PATJ: variants seen among roughly 807,000 people sequenced by gnomAD.
PATJ encodes PATJ crumbs cell polarity complex component.
A neutral mutation model predicts 224.9 loss-of-function variants in PATJ; 190 were observed. That is an observed-to-expected ratio of 0.84 (90% CI 0.75 to 0.95). PATJ has a LOEUF of 0.95. PATJ is among the 40% of genes least tolerant of loss of function. The pLI is 0.00. For missense variants in PATJ, 2,121 were observed against 2,270.3 expected (o/e 0.93, Z 1.34); for synonymous variants, 769 against 820.3 (o/e 0.94, Z 1.07).
chr1:61,818,131 A>G (rs941016355), intron 14 of PATJ, among the ~76,000 whole-genome samples: 2 of 152,218 alleles, frequency 1.3e-5, no homozygotes, highest in Non-Finnish European at 2.9e-5. Context: ...AATGGGCTGT[A>G]GTTTGTTTCA....
At chr1:61,744,638 C>T (rs573586280) in intron 1 of PATJ, among the ~76,000 whole-genome samples, 4 of 152,282 alleles carry the variant, frequency 2.6e-5, no homozygotes, top group African/African-American at 9.6e-5. Context: ...TTCCTCTGCT[C>T]TCACACCACT....
At chr1:62,114,388 T>A (rs1421687651) in intron 35 of PATJ, 142 bp downstream of exon 35, 2 of 782,838 alleles carry the variant, frequency 2.6e-6, no homozygotes, top group Non-Finnish European at 4.0e-6. Flanking sequence ...ACAACATGGG[T>A]CATATTTCTG....
At chr1:62,001,923 G>A (rs1012509887) in intron 28 of PATJ, among the ~76,000 whole-genome samples, 2 of 152,132 alleles carry the variant, frequency 1.3e-5, no homozygotes, top group South Asian at 2.1e-4. Context: ...CAGAAAGGAC[G>A]TGACAGCCCA....
At chr1:61,796,311 T>G (rs1417135244) in intron 10 of PATJ, among the ~76,000 whole-genome samples, 2 of 152,234 alleles carry the variant, frequency 1.3e-5, no homozygotes, top group Non-Finnish European at 2.9e-5. Flanking sequence ...AGATTAAGAA[T>G]ACTGTTCTTG....
chr1:61,783,426 T>TC (rs1438363151), intron 7 of PATJ, among the ~76,000 whole-genome samples: 4 of 147,738 alleles, frequency 2.7e-5, no homozygotes, highest in Non-Finnish European at 4.5e-5. Flanking sequence ...TTCTTTTCTT[T>TC]TTTTTTTTTT....
intron 29 of PATJ, among the ~76,000 whole-genome samples, chr1:62,035,040 C>T (rs1650114300): frequency 6.6e-6 from 1 of 152,264 alleles, no homozygotes; most frequent in East Asian, 1.9e-4. Flanking sequence ...CGGCCCTAAG[C>T]TGAGCTTTAT....
At chr1:62,105,797 G>A (rs111555967) in intron 33 of PATJ, among the ~76,000 whole-genome samples, 6,245 of 151,678 alleles carry the variant, frequency 0.041, 393 homozygotes, top group African/African-American at 0.13. Flanking sequence ...ATGAAAGTAC[G>A]GTATTTAGCA....
At chr1:61,749,285 C>T (rs1158346403) in intron 1 of PATJ, among the ~76,000 whole-genome samples, 5 of 151,924 alleles carry the variant, frequency 3.3e-5, no homozygotes, top group African/African-American at 7.3e-5. Flanking sequence ...GGATTGCAGG[C>T]GTGAGCCACC....
Position 62,108,445 on chromosome 1 carries a change from A to G in PATJ, c.4386A>G (p.Ile1462Met), listed in dbSNP as rs760353070. 8.7e-6 allele frequency: 14 copies of G among 1,605,042 alleles called. No individual in the cohort carries two copies. The African/African-American group carries it at 1.9e-4, about 21-fold the overall frequency. ...GATTTTATTTTTTATAGAATGCTATAGTTATCCATGAAGTCTATGAAGAAG... is the reference window on the plus strand; with the variant it reads ...GATTTTATTTTTTATAGAATGCTATGGTTATCCATGAAGTCTATGAAGAAG... ...VGGKDTPLNAIVIHEVYEEGA... is the reference protein window; with the variant it reads ...VGGKDTPLNAMVIHEVYEEGA... Residue 1462 changes from isoleucine (I) to methionine (M), a missense_variant, in exon 34 of 44, where the codon ATA becomes ATG. Coordinates refer to ENST00000642238, the MANE Select transcript of PATJ (RefSeq NM_001350145.3).
intron 31 of PATJ, among the ~76,000 whole-genome samples, chr1:62,070,382 G>A (rs1657182642): frequency 6.6e-6 from 1 of 152,106 alleles, no homozygotes; most frequent in South Asian, 2.1e-4. Context: ...TTCATGGCTG[G>A]TTCTCAAATC....
chr1:61,874,562 T>C (rs1175560256), intron 20 of PATJ, among the ~76,000 whole-genome samples: 1 of 152,152 alleles, frequency 6.6e-6, no homozygotes, highest in Admixed American at 6.5e-5. Context: ...CATAACTCTA[T>C]CACCCCACAA....
At chr1:61,752,677 A>G (rs1420200299) in intron 1 of PATJ, among the ~76,000 whole-genome samples, 1 of 152,162 alleles carries the variant, frequency 6.6e-6, no homozygotes, top group Admixed American at 6.6e-5. Flanking sequence ...ACTATTCACA[A>G]GTTTTAATTT....
At chr1:61,976,538 A>G (rs1030874765) in intron 27 of PATJ, among the ~76,000 whole-genome samples, 1 of 151,686 alleles carries the variant, frequency 6.6e-6, no homozygotes, top group South Asian at 2.1e-4. Flanking sequence ...TCCCAAGTAG[A>G]TGGGATTACA....
At chr1:61,810,611 C>T (rs566180150) in intron 14 of PATJ, among the ~76,000 whole-genome samples, 6 of 152,108 alleles carry the variant, frequency 3.9e-5, no homozygotes, top group African/African-American at 1.2e-4. Flanking sequence ...GGAGGAGAAT[C>T]GCTTGAACCC....
At chr1:62,153,027 G>A (rs1456480303) in intron 42 of PATJ, among the ~76,000 whole-genome samples, 14 of 142,276 alleles carry the variant, frequency 9.8e-5, no homozygotes, top group Non-Finnish European at 1.5e-4. Context: ...TCCCAGCTCC[G>A]TCTCAAAAAA....
intron 29 of PATJ, among the ~76,000 whole-genome samples, chr1:62,034,259 A>G (rs541009740): frequency 1.9e-3 from 286 of 152,130 alleles, no homozygotes; most frequent in Admixed American, 3.7e-3. Flanking sequence ...CATGGCCAAC[A>G]TGGTGATACT....
intron 30 of PATJ, among the ~76,000 whole-genome samples, chr1:62,042,056 G>A (rs553294261): frequency 6.6e-6 from 1 of 152,216 alleles, no homozygotes; most frequent in South Asian, 2.1e-4. Context: ...TAAAAAATAT[G>A]TAAAGTATAA....
chr1:61,889,359 A>T (rs1006393456), intron 22 of PATJ, among the ~76,000 whole-genome samples: 2 of 152,136 alleles, frequency 1.3e-5, no homozygotes, highest in African/African-American at 4.8e-5. Flanking sequence ...AGATCTCTAG[A>T]AAGGGGACTG....
At chr1:62,008,774 T>A (rs1312935383) in intron 28 of PATJ, among the ~76,000 whole-genome samples, 57 of 152,050 alleles carry the variant, frequency 3.7e-4, no homozygotes, top group Admixed American at 3.7e-3. Context: ...AATAAATAAG[T>A]AATTGGAACA....
Sources: gnomAD v4.1 joint callset for allele counts (sites outside exome capture counted in the v4.1 genomes callset) on GRCh38, gnomAD v4.1.1 for gene constraint, MANE v1.5 for transcripts, NCBI Gene and HGNC (gene_info 2026-07-23, HGNC 2026-07-21) for gene names.